HSPA12A: variants seen among roughly 807,000 people sequenced by gnomAD.
HSPA12A encodes heat shock protein family A (Hsp70) member 12A, also known as heat shock 70 kDa protein 12A.
HSPA12A carries 28 observed loss-of-function variants against 69.2 expected under a neutral mutation model. The observed-to-expected ratio is 0.40, with a 90% CI of 0.30 to 0.55. The LOEUF (loss-of-function observed/expected upper bound fraction) is 0.55, where lower values mean the gene tolerates loss of function less well. HSPA12A is among the 20% of genes least tolerant of loss of function. The pLI, the probability that HSPA12A is intolerant of heterozygous loss-of-function variation, is 0.38. For missense variants in HSPA12A, 686 were observed against 900.7 expected (o/e 0.76, Z 3.05); for synonymous variants, 345 against 370.5 (o/e 0.93, Z 0.79).
At chr10:116,844,025 C>G (rs1367660632) in intron 1 of HSPA12A, among the ~76,000 whole-genome samples, 1 of 152,182 alleles carries the variant, frequency 6.6e-6, no homozygotes, top group African/African-American at 2.4e-5. Flanking sequence ...AAGTGAGCAA[C>G]TCAACTGACT....
chr10:116,742,155 C>T (rs1308558395), intron 1 of HSPA12A, among the ~76,000 whole-genome samples: 7 of 151,962 alleles, frequency 4.6e-5, no homozygotes, highest in African/African-American at 1.7e-4. Flanking sequence ...AGGCAGGGAC[C>T]AACCAGGCGC....
intron 1 of HSPA12A, among the ~76,000 whole-genome samples, chr10:116,728,247 G>T (rs782086180): frequency 2.9e-4 from 44 of 152,262 alleles, no homozygotes; most frequent in Non-Finnish European, 5.7e-4. Context: ...AGCCTTGTAA[G>T]TGTTCTGAGC....
intron 2 of HSPA12A, among the ~76,000 whole-genome samples, chr10:116,814,247 TCAGA>T (rs1185652838): frequency 1.3e-5 from 2 of 152,176 alleles, no homozygotes; most frequent in Admixed American, 6.5e-5. Flanking sequence ...TAGAAAATAC[TCAGA>T]CAGAAGCACA....
intron 1 of HSPA12A, among the ~76,000 whole-genome samples, chr10:116,712,171 C>T (rs7902634): frequency 0.017 from 2,602 of 152,268 alleles, 69 homozygotes; most frequent in African/African-American, 0.061. Flanking sequence ...TTTAACATCA[C>T]TTCAGTCTTG....
At chr10:116,728,170 T>C (rs1221098166) in intron 1 of HSPA12A, among the ~76,000 whole-genome samples, 3 of 152,122 alleles carry the variant, frequency 2.0e-5, no homozygotes, top group Admixed American at 6.5e-5. Flanking sequence ...CTCAAACTCC[T>C]AACCTCATGA....
chr10:116,728,960 C>T (rs1344377620), intron 1 of HSPA12A, among the ~76,000 whole-genome samples: 5 of 152,280 alleles, frequency 3.3e-5, no homozygotes, highest in African/African-American at 7.2e-5. Context: ...ATAAGCCTCC[C>T]GGGGCAAGGG....
chr10:116,818,398 AT>A (rs1845347270), intron 2 of HSPA12A, among the ~76,000 whole-genome samples: 1 of 151,810 alleles, frequency 6.6e-6, no homozygotes, highest in African/African-American at 2.4e-5. Flanking sequence ...CAGCTGCTTG[AT>A]GCCAGCCATA....
intron 2 of HSPA12A, among the ~76,000 whole-genome samples, chr10:116,780,804 G>A (rs1259708395): frequency 1.3e-5 from 2 of 152,206 alleles, no homozygotes; most frequent in African/African-American, 2.4e-5. Flanking sequence ...GTAATAGGAT[G>A]TAAAACTCTC....
chr10:116,706,689 C>T (rs1434084277), intron 2 of HSPA12A, among the ~76,000 whole-genome samples: 1 of 152,160 alleles, frequency 6.6e-6, no homozygotes, highest in Non-Finnish European at 1.5e-5. Context: ...GGAGCAACAG[C>T]CCCATCTCTA....
intron 5 of HSPA12A, chr10:116,698,211 A>G (rs1849972230): frequency 6.3e-6 from 1 of 157,650 alleles, no homozygotes; most frequent in Non-Finnish European, 1.4e-5. Context: ...CAGCATGTGG[A>G]CTGTTTCTAC....
At chr10:116,691,007 T>C (rs1849721419) in intron 6 of HSPA12A, among the ~76,000 whole-genome samples, 1 of 152,210 alleles carries the variant, frequency 6.6e-6, no homozygotes, top group South Asian at 2.1e-4. Context: ...AGGCTGACAC[T>C]ATGGAGCTTG....
Position 116,741,769 on chromosome 10 carries a change from G to A in HSPA12A, c.40+661C>T, listed in dbSNP as rs570509129. Among the ~76,000 whole-genome samples, 3 of 152,288 alleles carry A rather than the reference G, an allele frequency of 2.0e-5. No individual in the cohort carries two copies. The South Asian group carries it at 6.2e-4, about 32-fold the overall frequency. On this transcript the variant is annotated intron_variant, in intron 1 of 11. Transcript: ENST00000369209. ...CGAGCGTCTGTCCTCCGCACTGGGT[G>A]CCTCCCCCTGCCCCCCGCAAGGAAG...
chr10:116,751,295 T>C (rs1218102919), intron 2 of HSPA12A: 2 of 173,472 alleles, frequency 1.2e-5, no homozygotes, highest in Non-Finnish European at 2.5e-5. Flanking sequence ...ATGAGGATTT[T>C]TCAAATAAAG....
intron 2 of HSPA12A, among the ~76,000 whole-genome samples, chr10:116,705,893 C>CTTTTT (rs369606540): frequency 1.0e-4 from 12 of 115,636 alleles, no homozygotes; most frequent in African/African-American, 3.2e-4. Context: ...TCTCTCTCTC[C>CTTTTT]TTTTTTTTTT....
At chr10:116,827,069 C>G (rs541977008) in intron 2 of HSPA12A, among the ~76,000 whole-genome samples, 1 of 152,190 alleles carries the variant, frequency 6.6e-6, no homozygotes, top group African/African-American at 2.4e-5. Context: ...GAATGAATCA[C>G]TGAATTAATG....
intron 2 of HSPA12A, among the ~76,000 whole-genome samples, chr10:116,755,805 CAAA>C (rs11286178): frequency 2.4e-4 from 30 of 123,362 alleles, no homozygotes; most frequent in African/African-American, 2.7e-4. Flanking sequence ...CCATCTCTAC[CAAA>C]AAAAAAAAAA....
chr10:116,804,813 G>A (rs947168273), intron 2 of HSPA12A, among the ~76,000 whole-genome samples: 1 of 152,140 alleles, frequency 6.6e-6, no homozygotes, highest in Non-Finnish European at 1.5e-5. Context: ...ATGATTGTGG[G>A]ACCTGTTTCC....
chr10:116,781,717 A>C (rs1315242651), intron 2 of HSPA12A, among the ~76,000 whole-genome samples: 1 of 152,072 alleles, frequency 6.6e-6, no homozygotes, highest in Non-Finnish European at 1.5e-5. Context: ...GTTTTTAATC[A>C]ATCTCTCAGC....
intron 1 of HSPA12A, among the ~76,000 whole-genome samples, chr10:116,728,002 G>T (rs113654502): frequency 1.3e-5 from 2 of 151,994 alleles, no homozygotes. Flanking sequence ...TAGAGACAGG[G>T]TTTCACCATG....
Sources: allele counts gnomAD v4.1 joint callset (sites outside exome capture counted in the v4.1 genomes callset), GRCh38; gene constraint gnomAD v4.1.1; transcripts MANE v1.5; gene names NCBI Gene and HGNC (gene_info 2026-07-23, HGNC 2026-07-21).